Variants in TRIM50 observed in about 807,000 individuals in gnomAD.
TRIM50 encodes the protein E3 ubiquitin-protein ligase TRIM50.
Under a neutral mutation model 44.9 loss-of-function variants are expected in TRIM50, and 34 were observed. The observed-to-expected ratio is 0.76, with a 90% confidence interval of 0.58 to 1.01. The LOEUF is 1.01. Among genes scored for constraint, TRIM50 ranks in the 50% least tolerant of loss-of-function variants. The probability of loss-of-function intolerance (pLI) is 0.00; values close to 1 mark genes in which losing one functional copy is unlikely to be tolerated. For synonymous variants in TRIM50, 307 were observed against 291.1 expected (o/e 1.05, Z -0.56); for missense variants, 633 against 663.7 (o/e 0.95, Z 0.51).
chr7:73,313,133 G>A lies in TRIM50; in HGVS notation c.1252C>T (p.Leu418=). The A allele has an allele frequency of 1.3e-6, 2 of 1,592,024 alleles. No homozygotes were observed. The highest frequency in any genetic ancestry group is 1.7e-6 in the Non-Finnish European group (2 of 1,169,750). ...AGHPHRIGLY[L]HYEQGELTFF... ...GTGAGTTCGCCCTGCTCATAGTGCAGGTAGAGCCCGATGCGGTGGGGGTGG... is the reference window on the plus strand; with the variant it reads ...GTGAGTTCGCCCTGCTCATAGTGCAAGTAGAGCCCGATGCGGTGGGGGTGG... The change falls in exon 7 of 7, where the codon CTG becomes TTG. Residue 418 remains leucine (L), a synonymous_variant. Transcript: ENST00000333149. The surrounding 1 kb of genome is among the most constrained non-coding windows in gnomAD (Gnocchi z 4.9).
rs554436566 is a variant in TRIM50, at chr7:73,324,911, C to CT, written c.-18-107dup. On this transcript the variant is annotated intron_variant, in intron 1 of 6. Transcript: ENST00000333149. ...GAGCACCAGAATTTTAGAGGAAACA[C>CT]TTTGAGTCCTGGATCCCAGTCCTAA... 127 of 1,529,624 alleles carry CT rather than the reference C, an allele frequency of 8.3e-5. No individual in the cohort carries two copies. In the East Asian group the frequency reaches 2.8e-3, roughly 34 times the overall value. The allele number at this position is 1,529,624 out of a possible 1,614,324, so 94.8% of individuals were successfully genotyped here.
At chr7:73,317,266 C>G (rs564796476) in intron 5 of TRIM50, among the ~76,000 whole-genome samples, 50 of 151,644 alleles carry the variant, frequency 3.3e-4, no homozygotes, top group Admixed American at 2.2e-3. Context: ...GTTGCCCAGG[C>G]TGGTCTTGAG....
chr7:73,319,803 G>T (rs1449119172), intron 3 of TRIM50, among the ~76,000 whole-genome samples: 1 of 152,174 alleles, frequency 6.6e-6, no homozygotes, highest in South Asian at 2.1e-4. Flanking sequence ...CCAGGTACTG[G>T]GAGGGCACCA....
intron 2 of TRIM50, among the ~76,000 whole-genome samples, chr7:73,323,132 T>G (rs1804533596): frequency 6.6e-6 from 1 of 152,214 alleles, no homozygotes. Context: ...CTCACTGTCC[T>G]TTTGCCTCAC....
At chr7:73,316,922 A>G in intron 5 of TRIM50, 1 of 467,294 alleles carries the variant, frequency 2.1e-6, no homozygotes, top group Non-Finnish European at 3.5e-6. Flanking sequence ...GGGGACCAGC[A>G]GTGTTGGTTG....
chr7:73,325,820 A>G (rs1804610716), intron 1 of TRIM50, among the ~76,000 whole-genome samples: 1 of 139,716 alleles, frequency 7.2e-6, no homozygotes, highest in Non-Finnish European at 1.5e-5. Context: ...ACAGGAGCAG[A>G]TAGGTGCTGG....
At chr7:73,323,763 A>T (rs1201592824) in intron 2 of TRIM50, among the ~76,000 whole-genome samples, 1 of 152,188 alleles carries the variant, frequency 6.6e-6, no homozygotes, top group Non-Finnish European at 1.5e-5. Flanking sequence ...CAAGGGGCCT[A>T]GGGCAGTGGT....
At chr7:73,323,983 T>A (rs1288723884) in intron 2 of TRIM50, among the ~76,000 whole-genome samples, 1 of 151,656 alleles carries the variant, frequency 6.6e-6, no homozygotes, top group Non-Finnish European at 1.5e-5. Context: ...GAGGCTGCAG[T>A]GAGCCATGAT....
At position 73,318,857 on chromosome 7, in the gene TRIM50, G is replaced by C. The variant is rs1332830621; in HGVS notation, c.691C>G (p.Gln231Glu). The C allele has an allele frequency of 1.2e-6, 2 of 1,613,988 alleles. No homozygotes were observed. The highest frequency in any genetic ancestry group is 1.7e-6 in the Non-Finnish European group (2 of 1,179,870). Residue 231 changes from glutamine (Q) to glutamate (E), a missense_variant, in exon 4 of 7, where the codon CAG becomes GAG. Transcript: ENST00000333149. ...TTGTGGTGGTCCTCATTGCCGAACT[G>C]TTCCAGCACACACTCGGCTTGGGCC... ...RLAQAECVLE[Q>E]FGNEDHHKFI...
At chr7:73,318,596 G>T (rs1187506072) in intron 5 of TRIM50, 91 bp downstream of exon 5, 1 of 1,610,494 alleles carries the variant, frequency 6.2e-7, no homozygotes, top group Non-Finnish European at 8.5e-7. Context: ...CTTGGGAGGC[G>T]CTGGTTAAAC....
rs369226700 is a variant in TRIM50 at position 73,318,816 on chromosome 7, A to G, written c.726+6T>C. ...ATGGGGATGGGACGCCTCCCTGTCC[A>G]CTCACCCGGATGAACTTGTGGTGGT... is the stretch of plus-strand genomic sequence containing the variant. On this transcript the variant is annotated splice_donor_region_variant and intron_variant, in intron 4 of 6. Transcript: ENST00000333149. 4.3e-6 allele frequency: 7 copies of G among 1,613,618 alleles called. No individual in the cohort carries two copies. The highest frequency in any genetic ancestry group is 2.7e-5 in the African/African-American group (2 of 74,828).
Position 73,316,580 on chromosome 7 carries a change from G to A in TRIM50, c.859C>T (p.Arg287Trp), listed in dbSNP as rs377514991. ...AGGGCCTCACCTGGCAAAACTTTCC[G>A]GAAGAGCCTTTTCCACACGGTCAGC... ...IKLTVWKRLF[R>W]KVLPAPEPLK... The change falls in exon 6 of 7, where the codon CGG becomes TGG. Residue 287 changes from arginine (R) to tryptophan (W), a missense_variant. By Grantham distance (101) the Arg-to-Trp change is moderately radical (BLOSUM62 -3). Coordinates refer to ENST00000333149, the MANE Select transcript of TRIM50 (RefSeq NM_178125.3). 6 of 1,614,084 alleles carry A rather than the reference G, an allele frequency of 3.7e-6. No homozygotes were observed. Among genetic ancestry groups the A allele is most frequent in the Non-Finnish European group, 5.1e-6 (6 of 1,180,038 alleles).
Position 73,312,944 on chromosome 7 carries a change from G to A in TRIM50, c.1441C>T (p.Pro481Ser), listed in dbSNP as rs1554543179. The A allele has an allele frequency of 4.5e-6, 7 of 1,548,336 alleles. No individual in the cohort carries two copies. The highest frequency in any genetic ancestry group is 1.9e-4 in the Middle Eastern group (1 of 5,392). The change falls in exon 7 of 7, where the codon CCC becomes TCC. Residue 481 changes from proline to serine, a missense_variant. Transcript: ENST00000333149. ...CCCTACAGCTTGGTGGGCTGCTCGG[G>A]GCTGAGGGGGCCAGGCCCGCTGGGC... Reference protein sequence around the residue: ...PPPSGPGPLSPEQPTKL With the variant: ...PPPSGPGPLSSEQPTKL
chr7:73,315,127 G>A (rs1436066942), intron 6 of TRIM50: 3 of 274,944 alleles, frequency 1.1e-5, no homozygotes, highest in African/African-American at 4.5e-5. Context: ...CCATCACTGG[G>A]GAGGCAGTGT....
rs1804369405 is a variant in TRIM50, at chr7:73,316,698, G to A, written c.750-9C>T. 6.2e-7 allele frequency: 1 copy of A among 1,613,514 alleles called. No homozygotes were observed. The highest frequency in any genetic ancestry group is 1.3e-5 in the African/African-American group (1 of 75,032). On this transcript the variant is annotated splice_polypyrimidine_tract_variant and intron_variant, in intron 5 of 6. Coordinates refer to ENST00000333149, the MANE Select transcript of TRIM50 (RefSeq NM_178125.3). ...CCTGCGGCATCTCTGCTCTGCAGGT[G>A]ACAGTTCACAGTACAAGAGAGTGAG...
chr7:73,322,551 A>G (rs1804520687), intron 2 of TRIM50, among the ~76,000 whole-genome samples: 1 of 152,092 alleles, frequency 6.6e-6, no homozygotes, highest in South Asian at 2.1e-4. Flanking sequence ...TGCCAAGATA[A>G]TCAGTTCTTA....
chr7:73,320,182 T>C lies in TRIM50; in HGVS notation c.460A>G (p.Ile154Val), dbSNP rs782803559. 21 of 1,614,020 alleles carry C rather than the reference T, an allele frequency of 1.3e-5. 1 individual carries two copies. In the South Asian group the frequency reaches 2.2e-4, roughly 17 times the overall value. The change falls in exon 3 of 7, where the codon ATC (isoleucine) becomes GTC (valine). Residue 154 changes from isoleucine (I) to valine (V), a missense_variant. By Grantham distance (29) the Ile-to-Val change is conservative. Coordinates refer to ENST00000333149, the MANE Select transcript of TRIM50 (RefSeq NM_178125.3). ...KQEQKKVDEL[I>V]AKLVNNRTRI... Reference sequence around the variant, plus strand: ...GTCCGGTTGTTCACCAGTTTGGCGATGAGCTCATCCACCTTTTTCTGCTCC... The same window carrying C: ...GTCCGGTTGTTCACCAGTTTGGCGACGAGCTCATCCACCTTTTTCTGCTCC...
Position 73,313,492 on chromosome 7 carries a change from A to G in TRIM50, c.893T>C (p.Leu298Ser). Residue 298 changes from leucine (L) to serine (S), a missense_variant, in exon 7 of 7, where the codon TTG (leucine) becomes TCG (serine). Leu to Ser is a moderately radical substitution (Grantham distance 145). Transcript: ENST00000333149. The surrounding 1 kb of genome is among the most constrained non-coding windows in gnomAD (Gnocchi z 4.9). ...KVLPAPEPLK[L>S]DPATAHPLLE... ...GAGTGGGTGGGCAGTGGCAGGGTCCAACTTGAGAGGCTCCGGGGCTGGGAG... is the reference window on the plus strand; with the variant it reads ...GAGTGGGTGGGCAGTGGCAGGGTCCGACTTGAGAGGCTCCGGGGCTGGGAG... 1.3e-6 allele frequency: 2 copies of G among 1,517,854 alleles called. No individual in the cohort carries two copies. The highest frequency in any genetic ancestry group is 1.8e-6 in the Non-Finnish European group (2 of 1,134,102). 94.0% of individuals were successfully genotyped at this position (1,517,854 alleles called of 1,614,324 possible). A position where few individuals can be genotyped will look rare whatever the true frequency, so the allele number is the denominator to read the frequency against.
intron 1 of TRIM50, among the ~76,000 whole-genome samples, chr7:73,326,508 G>C (rs1465055236): frequency 6.6e-6 from 1 of 151,270 alleles, no homozygotes; most frequent in Non-Finnish European, 1.5e-5. Context: ...CACACAGCTT[G>C]ATAAACACTT....
Sources: allele counts gnomAD v4.1 joint callset (sites outside exome capture counted in the v4.1 genomes callset), GRCh38; gene constraint gnomAD v4.1.1; non-coding constraint Gnocchi (gnomAD v3.1); transcripts MANE v1.5; gene names NCBI Gene and HGNC (gene_info 2026-07-23, HGNC 2026-07-21).